TNRC6A: variants seen among roughly 807,000 people sequenced by gnomAD.
TNRC6A encodes trinucleotide repeat-containing gene 6A protein.
TNRC6A carries 44 observed loss-of-function variants against 221.2 expected under a neutral mutation model. That is an observed-to-expected ratio of 0.20 (90% CI 0.16 to 0.26). TNRC6A has a LOEUF of 0.26. Among genes scored for constraint, TNRC6A ranks in the 10% least tolerant of loss-of-function variants. The pLI, the probability that TNRC6A is intolerant of heterozygous loss-of-function variation, is 1.00. For synonymous variants in TNRC6A, 847 were observed against 838.5 expected, an observed-to-expected ratio of 1.01 and a Z score of -0.18; for missense variants, 2,199 against 2,404.4, an observed-to-expected ratio of 0.91 and a Z score of 1.79.
chr16:24,767,204 C>T (rs2057493234), intron 4 of TNRC6A, among the ~76,000 whole-genome samples: 1 of 152,170 alleles, frequency 6.6e-6, no homozygotes, highest in Non-Finnish European at 1.5e-5. Context: ...TGCCTAATCC[C>T]AGGTGCCCCA....
At chr16:24,654,571 G>A (rs1001556299) in intron 2 of TNRC6A, among the ~76,000 whole-genome samples, 1 of 151,950 alleles carries the variant, frequency 6.6e-6, no homozygotes, top group African/African-American at 2.4e-5. Flanking sequence ...GCCAAGCATG[G>A]TGCTAATGTC....
At chr16:24,694,016 G>A (rs188398055) in intron 2 of TNRC6A, among the ~76,000 whole-genome samples, 1 of 152,176 alleles carries the variant, frequency 6.6e-6, no homozygotes, top group Admixed American at 6.5e-5. Flanking sequence ...ACATGTATGG[G>A]GTCATCCCCA....
Position 24,729,694 on chromosome 16 carries a change from C to T in TNRC6A, c.-148C>T, listed in dbSNP as rs867736385. On this transcript the variant is annotated 5_prime_UTR_variant, in exon 1 of 25. Transcript: ENST00000395799. ...GCGGCGGCGGCGGTGTCGGCGGCGG[C>T]GGCGGCGGCGGCGGCGGCGGCGGCA... is the stretch of plus-strand genomic sequence containing the variant. 1.9e-4 allele frequency: 168 copies of T among 907,306 alleles called. 1 individual carries two copies. The highest frequency in any genetic ancestry group is 9.0e-4 in the Admixed American group (20 of 22,228). The allele number at this position is 907,306 out of a possible 1,614,324, so 56.2% of individuals were successfully genotyped here.
At chr16:24,631,034 AG>A (rs973276480) in intron 1 of TNRC6A, among the ~76,000 whole-genome samples, 2 of 152,008 alleles carry the variant, frequency 1.3e-5, no homozygotes, top group African/African-American at 4.8e-5. Flanking sequence ...AAAAAAAAAA[AG>A]GGACCAGCCC....
intron 1 of TNRC6A, among the ~76,000 whole-genome samples, chr16:24,632,039 C>G (rs988964087): frequency 6.6e-6 from 1 of 151,688 alleles, no homozygotes; most frequent in East Asian, 1.9e-4. Flanking sequence ...TTTTAATAGA[C>G]AGGGTCCTGC....
chr16:24,800,941 A>G (rs2058319418), intron 11 of TNRC6A, among the ~76,000 whole-genome samples: 1 of 152,212 alleles, frequency 6.6e-6, no homozygotes, highest in South Asian at 2.1e-4. Flanking sequence ...TGGCTAAGGA[A>G]AAAATGTAAA....
intron 4 of TNRC6A, among the ~76,000 whole-genome samples, chr16:24,760,695 G>C (rs149942023): frequency 6.6e-6 from 1 of 152,306 alleles, no homozygotes; most frequent in East Asian, 1.9e-4. Flanking sequence ...TTGAGGGGCA[G>C]ATGTGGCCTA....
At position 24,794,695 on chromosome 16, in the gene TNRC6A, A is replaced by G. The variant is rs1323203563; in HGVS notation, c.3504A>G (p.Pro1168=). 6.2e-7 allele frequency: 1 copy of G among 1,611,934 alleles called. No individual in the cohort carries two copies. Residue 1168 remains proline (P), a synonymous_variant, in exon 8 of 25, where the codon CCA becomes CCG. Transcript: ENST00000395799. ...TTAACTCATCTTTAAATTGGCCACC[A>G]TATACAAAGAAAATGTCATCGAAGG... is the stretch of plus-strand genomic sequence containing the variant. ...QELNSSLNWP[P]YTKKMSSKGL... is the part of the protein sequence containing the mutation.
Position 24,797,509 on chromosome 16 carries a change from A to G in TNRC6A, c.3581A>G (p.Asn1194Ser). 2 of 1,611,208 alleles carry G rather than the reference A, an allele frequency of 1.2e-6. No homozygotes were observed. The highest frequency in any genetic ancestry group is 1.7e-5 in the Admixed American group (1 of 59,264). Residue 1194 changes from asparagine to serine, a missense_variant, in exon 10 of 25, where the codon AAC becomes AGC. This residue lies in a region of TNRC6A where 158 missense variants were observed against 159.1 expected (regional missense o/e 0.99). Transcript: ENST00000395799. ...ACAAAGGGAATGATGAAAGGTGGAA[A>G]CAAACAAGAAGAAGCGTGGATAAAT... Reference protein sequence around the residue: ...RRERGMMKGGNKQEEAWINPF... With the variant: ...RRERGMMKGGSKQEEAWINPF...
chr16:24,734,852 A>G (rs539054984), intron 2 of TNRC6A, among the ~76,000 whole-genome samples: 2 of 152,328 alleles, frequency 1.3e-5, no homozygotes, highest in South Asian at 2.1e-4. Context: ...CGTTATACTG[A>G]TTTGTCCCCC....
chr16:24,763,072 T>C (rs1450061862), intron 4 of TNRC6A, among the ~76,000 whole-genome samples: 1 of 152,176 alleles, frequency 6.6e-6, no homozygotes, highest in Non-Finnish European at 1.5e-5. Flanking sequence ...GGCTCTTAAA[T>C]TGTTTATTAC....
At chr16:24,673,667 C>T (rs531296536) in intron 2 of TNRC6A, among the ~76,000 whole-genome samples, 1 of 152,176 alleles carries the variant, frequency 6.6e-6, no homozygotes, top group Admixed American at 6.5e-5. Flanking sequence ...TTTAGGTAAC[C>T]CTCCCACCTC....
intron 2 of TNRC6A, among the ~76,000 whole-genome samples, chr16:24,723,868 A>G (rs2056451877): frequency 6.6e-6 from 1 of 152,190 alleles, no homozygotes; most frequent in Admixed American, 6.6e-5. Flanking sequence ...CAGCATAACT[A>G]CAGTTCTTGA....
upstream of TNRC6A, among the ~76,000 whole-genome samples, chr16:24,725,768 G>C (rs1193700023): frequency 6.6e-6 from 1 of 151,830 alleles, no homozygotes; most frequent in Non-Finnish European, 1.5e-5. Flanking sequence ...TTGGTAGGCC[G>C]AGGCGGGTGA....
chr16:24,678,979 C>T (rs76744288), intron 2 of TNRC6A, among the ~76,000 whole-genome samples: 44 of 149,448 alleles, frequency 2.9e-4, no homozygotes, highest in African/African-American at 9.9e-4. Context: ...TATGAAAAGA[C>T]CTTTAAAACA....
At chr16:24,792,855 C>G (rs112119706) in intron 6 of TNRC6A, among the ~76,000 whole-genome samples, 3 of 144,264 alleles carry the variant, frequency 2.1e-5, no homozygotes, top group African/African-American at 7.8e-5. Context: ...GTGGCATGAT[C>G]TCGGTTCACT....
chr16:24,693,963 C>T (rs2055807050), intron 2 of TNRC6A, among the ~76,000 whole-genome samples: 1 of 152,088 alleles, frequency 6.6e-6, no homozygotes, highest in Admixed American at 6.6e-5. Context: ...CCGAAAACAA[C>T]CCTCATTTCT....
rs1327798740 is a variant in TNRC6A at position 24,824,674 on chromosome 16, G to A, written c.*867G>A. On this transcript the variant is annotated 3_prime_UTR_variant, in exon 25 of 25. Coordinates refer to ENST00000395799, the MANE Select transcript of TNRC6A (RefSeq NM_014494.4). ...GATTTAAAAGATGCTTTCTATCTCT[G>A]GGAAAAAGGAGCAGCATTTGGCCAT... is the stretch of plus-strand genomic sequence containing the variant. The A allele has an allele frequency of 1.3e-5, 2 of 151,932 alleles. No individual in the cohort carries two copies. Among genetic ancestry groups the A allele is most frequent in the African/African-American group, 2.4e-5 (1 of 41,204 alleles). 9.4% of individuals were successfully genotyped at this position (151,932 alleles called of 1,614,324 possible). A position where few individuals can be genotyped will look rare whatever the true frequency, so the allele number is the denominator to read the frequency against.
At chr16:24,781,440 C>T (rs2057844000) in intron 5 of TNRC6A, among the ~76,000 whole-genome samples, 1 of 152,180 alleles carries the variant, frequency 6.6e-6, no homozygotes, top group Admixed American at 6.5e-5. Context: ...TCTGTACTTG[C>T]AGTCTTTAAT....
Sources: gnomAD v4.1 joint callset for allele counts (sites outside exome capture counted in the v4.1 genomes callset) on GRCh38, gnomAD v4.1.1 for gene constraint, gnomAD v4.1.1 regional missense constraint, MANE v1.5 for transcripts, NCBI Gene and HGNC (gene_info 2026-07-23, HGNC 2026-07-21) for gene names.